CTNNA2: variants seen among roughly 807,000 people sequenced by gnomAD.
CTNNA2 encodes catenin alpha 2, also known as catenin alpha-2.
A neutral mutation model predicts 101.0 loss-of-function variants in CTNNA2; 42 were observed. The ratio of observed to expected loss-of-function variants is 0.42; its 90% CI spans 0.32 to 0.54. CTNNA2 has a LOEUF of 0.54. Among genes scored for constraint, CTNNA2 ranks in the 20% least tolerant of loss-of-function variants. The pLI, the probability that CTNNA2 is intolerant of heterozygous loss-of-function variation, is 0.14. For missense variants in CTNNA2, 871 were observed against 1,223.1 expected (o/e 0.71, Z 4.29); for synonymous variants, 450 against 456.4 (o/e 0.99, Z 0.18).
In CTNNA2 at chr2:79,361,002, G is replaced by A. The variant is rs1322393812; in HGVS notation, c.-317-12829G>A. ...ATTGATATAACTCAAGAAGGTGGGA[G>A]GTCAAGGGTTTTAAGCATGCACAGG... On this transcript the variant is annotated intron_variant, in intron 3 of 21. Coordinates refer to the CTNNA2 transcript ENST00000466387. 3.3e-5 allele frequency among the ~76,000 whole-genome samples: 5 copies of A among 152,076 alleles called. No homozygotes were observed. In the South Asian group the frequency reaches 8.3e-4, roughly 25 times the overall value.
intron 3 of CTNNA2, among the ~76,000 whole-genome samples, chr2:79,840,953 T>C (rs1166269113): frequency 6.6e-6 from 1 of 152,182 alleles, no homozygotes; most frequent in African/African-American, 2.4e-5. Flanking sequence ...GTATTTTTAG[T>C]AGAGACGGGG....
At chr2:79,338,578 A>ATCTTCT (rs70940029) in intron 3 of CTNNA2, among the ~76,000 whole-genome samples, 1,933 of 117,664 alleles carry the variant, frequency 0.016, 37 homozygotes, top group Non-Finnish European at 0.021. Flanking sequence ...CCTCCTCATC[A>ATCTTCT]TCTTCTTCTT....
chr2:79,705,413 A>G (rs1475828714), intron 2 of CTNNA2, among the ~76,000 whole-genome samples: 1 of 152,172 alleles, frequency 6.6e-6, no homozygotes, highest in African/African-American at 2.4e-5. Context: ...ACTGTGCATA[A>G]TTTAGAAATT....
At chr2:79,308,872 C>A (rs1216728020) in intron 2 of CTNNA2, among the ~76,000 whole-genome samples, 1 of 149,664 alleles carries the variant, frequency 6.7e-6, no homozygotes, top group Non-Finnish European at 1.5e-5. Flanking sequence ...GAAGTTTTAC[C>A]TTTAATATTT....
chr2:79,719,147 G>A (rs1472244516), intron 2 of CTNNA2, among the ~76,000 whole-genome samples: 1 of 152,070 alleles, frequency 6.6e-6, no homozygotes, highest in Non-Finnish European at 1.5e-5. Context: ...GCAGTATTTG[G>A]TTAATTCACT....
Position 79,385,495 on chromosome 2 carries a change from C to CTTTATTTTAT in CTNNA2, c.-135+11506_-135+11515dup, listed in dbSNP as rs201553740. On this transcript the variant is annotated intron_variant, in intron 4 of 21. Coordinates refer to the CTNNA2 transcript ENST00000466387. ...GCTAGCAAACAGGGTTAAATAGGGT[C>CTTTATTTTAT]TTTATTTTATTTTATTTTATTTTAT... Among the ~76,000 whole-genome samples, 548 of 151,100 alleles carry CTTTATTTTAT rather than the reference C, an allele frequency of 3.6e-3. 6 individuals are homozygous for CTTTATTTTAT. The highest frequency in any genetic ancestry group is 0.031 in the East Asian group (155 of 5,066).
chr2:79,385,833 T>C (rs1678094210), intron 4 of CTNNA2, among the ~76,000 whole-genome samples: 1 of 152,188 alleles, frequency 6.6e-6, no homozygotes, highest in South Asian at 2.1e-4. Flanking sequence ...GGCATCCAGC[T>C]TCATCCATAT....
chr2:80,523,095 G>A (rs115825494), intron 9 of CTNNA2, among the ~76,000 whole-genome samples: 79 of 152,274 alleles, frequency 5.2e-4, no homozygotes, highest in African/African-American at 1.9e-3. Context: ...AATGAAAATA[G>A]GGTCAGGGTG....
intron 8 of CTNNA2, among the ~76,000 whole-genome samples, chr2:80,402,359 C>T (rs1182213726): frequency 1.3e-5 from 2 of 152,110 alleles, no homozygotes; most frequent in African/African-American, 4.8e-5. Flanking sequence ...TGGCCATTGG[C>T]AATTAACTCA....
chr2:80,140,373 G>A (rs1174405734), intron 7 of CTNNA2, among the ~76,000 whole-genome samples: 5 of 152,140 alleles, frequency 3.3e-5, no homozygotes, highest in African/African-American at 4.8e-5. Context: ...CCATGACCTT[G>A]CATGTCAGCT....
chr2:80,645,220 T>C (rs1297584771), intron 18 of CTNNA2, among the ~76,000 whole-genome samples: 1 of 152,184 alleles, frequency 6.6e-6, no homozygotes, highest in Non-Finnish European at 1.5e-5. Flanking sequence ...TTTTGAAACC[T>C]GACAGACTTA....
chr2:80,522,108 C>T lies in CTNNA2; in HGVS notation c.1291-22874C>T, dbSNP rs528487337. 3.3e-5 allele frequency among the ~76,000 whole-genome samples: 5 copies of T among 152,308 alleles called. No individual in the cohort carries two copies. The East Asian group carries it at 5.8e-4, about 18-fold the overall frequency. On this transcript the variant is annotated intron_variant, in intron 9 of 18. Transcript: ENST00000402739. Reference sequence around the variant, plus strand: ...AGGCCAACCTGGATCCTGTGTTTCTCTTAAGTGTGTTGTGCATTCTCTGGT... The same window carrying T: ...AGGCCAACCTGGATCCTGTGTTTCTTTTAAGTGTGTTGTGCATTCTCTGGT...
At chr2:80,043,972 A>G (rs1247339694) in intron 7 of CTNNA2, among the ~76,000 whole-genome samples, 1 of 152,186 alleles carries the variant, frequency 6.6e-6, no homozygotes, top group Non-Finnish European at 1.5e-5. Context: ...CCATGTTTGA[A>G]TGAAAAGGGG....
At chr2:79,685,344 G>C (rs1232515422) in intron 2 of CTNNA2, among the ~76,000 whole-genome samples, 1 of 152,156 alleles carries the variant, frequency 6.6e-6, no homozygotes, top group Non-Finnish European at 1.5e-5. Context: ...CCTTGAAGAA[G>C]TGACATCCAA....
intron 7 of CTNNA2, among the ~76,000 whole-genome samples, chr2:80,365,209 T>C (rs1674806150): frequency 6.6e-6 from 1 of 152,072 alleles, no homozygotes; most frequent in South Asian, 2.1e-4. Flanking sequence ...CCTGTGCAAT[T>C]CCAATCAACT....
At chr2:79,304,019 G>A (rs556484276) in intron 2 of CTNNA2, among the ~76,000 whole-genome samples, 1 of 152,174 alleles carries the variant, frequency 6.6e-6, no homozygotes, top group Non-Finnish European at 1.5e-5. Context: ...GCTGCTACTG[G>A]GAGCACTCAC....
At chr2:80,206,553 A>C (rs983390239) in intron 7 of CTNNA2, among the ~76,000 whole-genome samples, 3 of 152,212 alleles carry the variant, frequency 2.0e-5, no homozygotes, top group Admixed American at 6.5e-5. Context: ...ACAGTTTTGC[A>C]TGGTGAAAAG....
chr2:80,006,933 C>T (rs910563340), intron 7 of CTNNA2, among the ~76,000 whole-genome samples: 1 of 152,124 alleles, frequency 6.6e-6, no homozygotes, highest in South Asian at 2.1e-4. Flanking sequence ...GAAATCTTAC[C>T]GTTCTTGAGT....
At chr2:79,192,667 A>G (rs1355240376) in intron 1 of CTNNA2, among the ~76,000 whole-genome samples, 3 of 152,124 alleles carry the variant, frequency 2.0e-5, no homozygotes, top group Non-Finnish European at 2.9e-5. Flanking sequence ...ATTTTTCTCT[A>G]TCTGAAATAA....
Sources: gnomAD v4.1 joint callset for allele counts (sites outside exome capture counted in the v4.1 genomes callset) on GRCh38, gnomAD v4.1.1 for gene constraint, MANE v1.5 for transcripts, NCBI Gene and HGNC (gene_info 2026-07-23, HGNC 2026-07-21) for gene names.